AGTPBP1: variants seen among roughly 807,000 people sequenced by gnomAD.
AGTPBP1 encodes cytosolic carboxypeptidase 1.
Under a neutral mutation model 143.9 loss-of-function variants are expected in AGTPBP1, and 70 were observed. That is an observed-to-expected ratio of 0.49 (90% confidence interval 0.40 to 0.59). AGTPBP1 has a LOEUF of 0.59. Ranked by LOEUF, AGTPBP1 falls within the 20% of genes least tolerant of loss-of-function variation. AGTPBP1 has a pLI of 0.00. For synonymous variants in AGTPBP1, 463 were observed against 500.2 expected, an observed-to-expected ratio of 0.93 and a Z score of 0.99; for missense variants, 1,229 against 1,464.5, an observed-to-expected ratio of 0.84 and a Z score of 2.62.
the AGTPBP1 span, chr9:85,756,350 A>C: frequency 3.1e-6 from 4 of 1,299,684 alleles, no homozygotes; most frequent in East Asian, 1.1e-4. Flanking sequence ...AATGTGTGGG[A>C]GGAGGTGGAG....
the AGTPBP1 span, among the ~76,000 whole-genome samples, chr9:85,799,954 C>G: frequency 6.6e-6 from 1 of 152,188 alleles, no homozygotes; most frequent in Non-Finnish European, 1.5e-5. Flanking sequence ...GATCCCCAAA[C>G]CTCAATATTT....
intron 1 of AGTPBP1, among the ~76,000 whole-genome samples, chr9:85,737,692 T>C (rs934461518): frequency 3.3e-5 from 5 of 152,196 alleles, no homozygotes; most frequent in African/African-American, 1.2e-4. Context: ...CAGGAATGAG[T>C]ATAAGACCCA....
intron 25 of AGTPBP1, among the ~76,000 whole-genome samples, chr9:85,555,674 G>A (rs969255315): frequency 1.3e-5 from 2 of 152,198 alleles, no homozygotes; most frequent in African/African-American, 4.8e-5. Context: ...TCTTTAAAGT[G>A]CCAGCGAGGG....
intron 24 of AGTPBP1, 66 bp downstream of exon 24, chr9:85,578,854 A>G (rs2133088781): frequency 6.6e-7 from 1 of 1,507,426 alleles, no homozygotes; most frequent in Non-Finnish European, 9.0e-7. Flanking sequence ...CTTAAAAACC[A>G]CAAGATATAT....
At chr9:85,738,807 G>A (rs983514029) in intron 1 of AGTPBP1, among the ~76,000 whole-genome samples, 3 of 151,998 alleles carry the variant, frequency 2.0e-5, no homozygotes, top group African/African-American at 7.3e-5. Flanking sequence ...CCCCAAAGGA[G>A]CAAATGGGTC....
the AGTPBP1 span, among the ~76,000 whole-genome samples, chr9:85,801,272 A>C: frequency 6.6e-6 from 1 of 152,186 alleles, no homozygotes; most frequent in Non-Finnish European, 1.5e-5. Flanking sequence ...AGACTGCACC[A>C]CTGCACTCTG....
intron 1 of AGTPBP1, 129 bp downstream of exon 1, chr9:85,741,646 T>C: frequency 3.2e-6 from 4 of 1,244,622 alleles, no homozygotes; most frequent in Non-Finnish European, 3.0e-6. Context: ...ACACAACCCG[T>C]CAGGTAAGGG....
chr9:85,555,205 A>G (rs1187932222), intron 25 of AGTPBP1, among the ~76,000 whole-genome samples: 2 of 152,236 alleles, frequency 1.3e-5, no homozygotes, highest in Non-Finnish European at 2.9e-5. Flanking sequence ...ATAAATACAA[A>G]GAAAACCAAC....
intron 14 of AGTPBP1, among the ~76,000 whole-genome samples, chr9:85,631,246 T>C (rs1248063248): frequency 1.3e-5 from 2 of 152,236 alleles, no homozygotes; most frequent in East Asian, 1.9e-4. Flanking sequence ...AGAAAGTCCC[T>C]GGGTGGATAC....
chr9:85,785,698 T>C, the AGTPBP1 span: 3 of 166,132 alleles, frequency 1.8e-5, no homozygotes, highest in African/African-American at 7.2e-5. Flanking sequence ...GAGTTTTCCC[T>C]CGAGATATGG....
chr9:85,639,031 G>A (rs1426143478), intron 13 of AGTPBP1, among the ~76,000 whole-genome samples: 2 of 151,972 alleles, frequency 1.3e-5, no homozygotes, highest in Non-Finnish European at 2.9e-5. Context: ...ATAAGAAAGA[G>A]TAACAAAAGT....
chr9:85,635,845 C>G (rs376521014), intron 13 of AGTPBP1, among the ~76,000 whole-genome samples: 1 of 150,890 alleles, frequency 6.6e-6, no homozygotes, highest in South Asian at 2.1e-4. Context: ...AAAAAAAACA[C>G]GTAAAAAGAA....
intron 25 of AGTPBP1, among the ~76,000 whole-genome samples, chr9:85,572,037 TTTTTTTTG>T: frequency 1.3e-5 from 1 of 76,420 alleles, no homozygotes; most frequent in South Asian, 4.6e-4. Flanking sequence ...TTTTTTTTTT[TTTTTTTTG>T]AGGCACAGTT....
chr9:85,591,394 C>A (rs1212519544), intron 19 of AGTPBP1, among the ~76,000 whole-genome samples: 1 of 151,942 alleles, frequency 6.6e-6, no homozygotes, highest in African/African-American at 2.4e-5. Context: ...AAAACTGAAT[C>A]CTAGGACACT....
intron 6 of AGTPBP1, among the ~76,000 whole-genome samples, chr9:85,673,727 G>A (rs980188316): frequency 1.3e-5 from 2 of 151,834 alleles, no homozygotes; most frequent in Non-Finnish European, 2.9e-5. Context: ...TCAGGTAATG[G>A]GTATATTAAA....
chr9:85,607,445 CAAA>C (rs1830056189), intron 17 of AGTPBP1, among the ~76,000 whole-genome samples: 1 of 152,066 alleles, frequency 6.6e-6, no homozygotes, highest in Non-Finnish European at 1.5e-5. Context: ...AAGAATCAAT[CAAA>C]TGAGGTAAAC....
chr9:85,704,841 G>T (rs190122836), intron 2 of AGTPBP1, among the ~76,000 whole-genome samples: 3 of 152,054 alleles, frequency 2.0e-5, no homozygotes, highest in Non-Finnish European at 2.9e-5. Context: ...ACTATATTAC[G>T]TGTGTGCAAA....
the AGTPBP1 span, among the ~76,000 whole-genome samples, chr9:85,749,338 G>A: frequency 6.6e-6 from 1 of 152,040 alleles, no homozygotes; most frequent in Non-Finnish European, 1.5e-5. Flanking sequence ...TCTAATTCTA[G>A]TGAAATGACC....
chr9:85,686,655 G>A (rs1207452827), intron 3 of AGTPBP1, among the ~76,000 whole-genome samples: 1 of 152,088 alleles, frequency 6.6e-6, no homozygotes, highest in African/African-American at 2.4e-5. Context: ...ATTCTAATAT[G>A]TATAAACATA....
Sources: gnomAD v4.1 joint callset for allele counts (sites outside exome capture counted in the v4.1 genomes callset) on GRCh38, gnomAD v4.1.1 for gene constraint, MANE v1.5 for transcripts, NCBI Gene and HGNC (gene_info 2026-07-23, HGNC 2026-07-21) for gene names.